The following MFF variants were observed in gnomAD, a reference collection of about 807,000 sequenced individuals.
MFF encodes chromosome 2 open reading frame 33.
A neutral mutation model predicts 36.9 loss-of-function variants in MFF; 12 were observed. That is an observed-to-expected ratio of 0.33 (90% CI 0.21 to 0.53). The LOEUF (loss-of-function observed/expected upper bound fraction) is 0.53. MFF is among the 20% of genes least tolerant of loss of function. The pLI is 0.95. For synonymous variants in MFF, 99 were observed against 126.2 expected (o/e 0.78, Z 1.44); for missense variants, 348 against 366.6 (o/e 0.95, Z 0.42).
chr2:227,329,413 T>A (rs2074406685), intron 2 of MFF: 1 of 281,158 alleles, frequency 3.6e-6, no homozygotes, highest in Admixed American at 5.9e-5. Context: ...GTGACTGTGC[T>A]TACAACTGTC....
rs575137000 is a variant in MFF, at chr2:227,337,838, C to G, written c.352-2454C>G. ...CCGAAGTGGGTGGATCTCTTGAGGT[C>G]AAGAGATCACCAAGCCTGGCCAACA... On this transcript the variant is annotated intron_variant, in intron 4 of 8. Coordinates refer to ENST00000304593, the MANE Select transcript of MFF (RefSeq NM_001277062.2). Among the ~76,000 whole-genome samples, 7 of 152,024 alleles carry G rather than the reference C, an allele frequency of 4.6e-5. No individual in the cohort carries two copies. The South Asian group carries it at 1.5e-3, about 32-fold the overall frequency.
rs959191296 is a variant in MFF, at chr2:227,340,467, T to C, written c.440+87T>C. 4.2e-6 allele frequency: 4 copies of C among 952,826 alleles called. No individual in the cohort carries two copies. In the African/African-American group the frequency reaches 5.0e-5, roughly 12 times the overall value. The allele number at this position is 952,826 out of a possible 1,614,324, so 59.0% of individuals were successfully genotyped here. On this transcript the variant is annotated intron_variant, in intron 5 of 8. Coordinates refer to ENST00000304593, the MANE Select transcript of MFF (RefSeq NM_001277062.2). ...CATGTTTTTCTAAATAATTACTTCATGTAGTTTTTAAAATTTGTTTTACAT... is the reference window on the plus strand; with the variant it reads ...CATGTTTTTCTAAATAATTACTTCACGTAGTTTTTAAAATTTGTTTTACAT...
At chr2:227,329,934 A>AC (rs1553771233) in intron 2 of MFF, 1 of 515,144 alleles carries the variant, frequency 1.9e-6, no homozygotes, top group African/African-American at 2.0e-5. Flanking sequence ...AAAAAAAAAA[A>AC]CACATGTAAA....
intron 6 of MFF, among the ~76,000 whole-genome samples, chr2:227,350,300 C>A (rs2075927070): frequency 6.6e-6 from 1 of 152,084 alleles, no homozygotes; most frequent in African/African-American, 2.4e-5. Flanking sequence ...AAATGCCGGT[C>A]TCTCCCTGTA....
chr2:227,336,597 C>T (rs1022356765), intron 4 of MFF, among the ~76,000 whole-genome samples: 3 of 152,106 alleles, frequency 2.0e-5, no homozygotes, highest in Non-Finnish European at 4.4e-5. Flanking sequence ...ATACAGAAGC[C>T]ATCAAATGGC....
At position 227,357,029 on chromosome 2, in the gene MFF, A is replaced by G. The variant is rs1164824617; in HGVS notation, c.788A>G (p.Asn263Ser). Reference protein sequence around the residue: ...NRRLQLLEEENKERAKREMVM... With the variant: ...NRRLQLLEEESKERAKREMVM... ...CGTCTACAACTTCTGGAAGAGGAGAACAAAGAACGTGCTAAAAGAGAAATG... is the reference window on the plus strand; with the variant it reads ...CGTCTACAACTTCTGGAAGAGGAGAGCAAAGAACGTGCTAAAAGAGAAATG... Residue 263 changes from asparagine to serine, a missense_variant, in exon 9 of 9, where the codon AAC (asparagine) becomes AGC (serine). Coordinates refer to ENST00000304593, the MANE Select transcript of MFF (RefSeq NM_001277062.2). 6.2e-7 allele frequency: 1 copy of G among 1,613,426 alleles called. No homozygotes were observed. Among genetic ancestry groups the G allele is most frequent in the Non-Finnish European group, 8.5e-7 (1 of 1,179,752 alleles).
At chr2:227,331,210 C>G (rs545012269) in intron 3 of MFF, among the ~76,000 whole-genome samples, 2 of 152,198 alleles carry the variant, frequency 1.3e-5, no homozygotes, top group Admixed American at 1.3e-4. Context: ...CTCTAGGCAA[C>G]CATGATCTCC....
At chr2:227,352,397 TTGAA>T in intron 6 of MFF, 113 bp from the exon 7 acceptor site, 10 of 756,014 alleles carry the variant, frequency 1.3e-5, no homozygotes, top group Non-Finnish European at 2.3e-5. Context: ...TTATATTGTA[TTGAA>T]ATATACAATA....
intron 7 of MFF, among the ~76,000 whole-genome samples, chr2:227,354,244 A>G (rs2076149518): frequency 6.6e-6 from 1 of 152,220 alleles, no homozygotes; most frequent in Non-Finnish European, 1.5e-5. Context: ...TTTTAACAAT[A>G]TTTAAAACAA....
chr2:227,343,341 G>A (rs184036167), intron 5 of MFF, among the ~76,000 whole-genome samples: 1 of 152,138 alleles, frequency 6.6e-6, no homozygotes, highest in Non-Finnish European at 1.5e-5. Context: ...GACAAAATAA[G>A]GTATGAGAAT....
rs180991917 is a variant in MFF, at chr2:227,346,359, G to A, written c.441-867G>A. ...TCACAATAGATAATCATACTGTAAT[G>A]TTAAACAGCTCCCTGAAAATACTGA... On this transcript the variant is annotated intron_variant, in intron 5 of 8. Coordinates refer to ENST00000304593, the MANE Select transcript of MFF (RefSeq NM_001277062.2). The A allele has an allele frequency of 8.6e-4, 144 of 166,972 alleles. 2 individuals carry two copies. The highest frequency in any genetic ancestry group is 1.2e-3 in the East Asian group (6 of 5,190). The allele number at this position is 166,972 out of a possible 1,614,324, so 10.3% of individuals were successfully genotyped here.
intron 4 of MFF, among the ~76,000 whole-genome samples, chr2:227,339,641 G>A (rs894695695): frequency 6.6e-6 from 1 of 152,218 alleles, no homozygotes; most frequent in African/African-American, 2.4e-5. Flanking sequence ...AAGCTGTACT[G>A]TTATGACCTA....
At chr2:227,342,723 A>G in intron 5 of MFF, 1 of 1,591,108 alleles carries the variant, frequency 6.3e-7, no homozygotes, top group Non-Finnish European at 8.6e-7. Context: ...AATATGTAAA[A>G]GAAGCATAAT....
intron 6 of MFF, among the ~76,000 whole-genome samples, chr2:227,348,505 A>G (rs915082415): frequency 5.3e-5 from 8 of 152,290 alleles, no homozygotes; most frequent in Admixed American, 6.5e-5. Context: ...GAGGGGAATT[A>G]TATATACATG....
At chr2:227,328,295 C>CAAA (rs869086091) in intron 1 of MFF, among the ~76,000 whole-genome samples, 18 of 72,606 alleles carry the variant, frequency 2.5e-4, no homozygotes, top group Non-Finnish European at 3.2e-4. Flanking sequence ...GCCCGGGTGA[C>CAAA]AAAAAAAAAA....
chr2:227,351,645 A>G (rs1342472167), intron 6 of MFF: 1 of 152,232 alleles, frequency 6.6e-6, no homozygotes, highest in East Asian at 1.9e-4. Flanking sequence ...TTTAGGGGGA[A>G]TTGACCAGTG....
intron 4 of MFF, among the ~76,000 whole-genome samples, chr2:227,338,839 A>C (rs1231223670): frequency 1.5e-5 from 2 of 130,840 alleles, no homozygotes; most frequent in South Asian, 2.9e-4. Context: ...TGTCTCAAAA[A>C]AAAACAAAAA....
At chr2:227,341,181 A>G (rs1221274266) in intron 5 of MFF, among the ~76,000 whole-genome samples, 1 of 152,110 alleles carries the variant, frequency 6.6e-6, no homozygotes, top group Non-Finnish European at 1.5e-5. Context: ...CAATACAGTG[A>G]TTTATATTAC....
chr2:227,341,474 T>C (rs931156373), intron 5 of MFF, among the ~76,000 whole-genome samples: 1 of 152,130 alleles, frequency 6.6e-6, no homozygotes, highest in Non-Finnish European at 1.5e-5. Flanking sequence ...TGAAAGGCTG[T>C]GTAGGAAGAG....
Sources: allele counts gnomAD v4.1 joint callset (sites outside exome capture counted in the v4.1 genomes callset), GRCh38; gene constraint gnomAD v4.1.1; transcripts MANE v1.5; gene names NCBI Gene and HGNC (gene_info 2026-07-23, HGNC 2026-07-21).